Variants in BCL9L observed in about 807,000 individuals in gnomAD.
BCL9L encodes B-cell CLL/lymphoma 9-like protein.
BCL9L carries 19 observed loss-of-function variants against 99.4 expected under a neutral mutation model. The ratio of observed to expected loss-of-function variants is 0.19; its 90% CI spans 0.13 to 0.28. BCL9L has a LOEUF of 0.28. BCL9L is among the 10% of genes least tolerant of loss of function. The pLI, the probability that BCL9L is intolerant of heterozygous loss-of-function variation, is 1.00. For synonymous variants in BCL9L, 900 were observed against 854.8 expected (o/e 1.05, Z -0.92); for missense variants, 2,023 against 2,101.6 (o/e 0.96, Z 0.73).
rs1218627529 is a variant in BCL9L, at chr11:118,896,909, T to C, written c.*1506A>G. The C allele has an allele frequency of 6.6e-6, 1 of 152,636 alleles. No homozygotes were observed. Among genetic ancestry groups the C allele is most frequent in the Non-Finnish European group, 1.5e-5 (1 of 68,048 alleles). The allele number at this position is 152,636 out of a possible 1,614,324, so 9.5% of individuals were successfully genotyped here. A position where few individuals can be genotyped will look rare whatever the true frequency, so the allele number is the denominator to read the frequency against. On this transcript the variant is annotated 3_prime_UTR_variant, in exon 10 of 10. Coordinates refer to ENST00000683865, the MANE Select transcript of BCL9L (RefSeq NM_001378213.1). ...AGTTTTTTTACTCCTGGGGCCAAAGTAGGGGGACAAACACCCAGTCGTATA... is the reference window on the plus strand; with the variant it reads ...AGTTTTTTTACTCCTGGGGCCAAAGCAGGGGGACAAACACCCAGTCGTATA...
In BCL9L at chr11:118,907,479, T is replaced by C; in HGVS notation, c.532+4A>G. 1 of 1,614,164 alleles carries C rather than the reference T, an allele frequency of 6.2e-7. No homozygotes were observed. Among genetic ancestry groups the C allele is most frequent in the East Asian group, 2.2e-5 (1 of 44,880 alleles). On this transcript the variant is annotated splice_donor_region_variant and intron_variant, in intron 5 of 9. Coordinates refer to ENST00000683865, the MANE Select transcript of BCL9L (RefSeq NM_001378213.1). ...ACAGCACCCTGGCATCGACAGGCACTCACTGTGGGTGGCCCCAATGGGCTT... is the reference window on the plus strand; with the variant it reads ...ACAGCACCCTGGCATCGACAGGCACCCACTGTGGGTGGCCCCAATGGGCTT...
rs1332947369 is a variant in BCL9L at position 118,925,510 on chromosome 11, C to CCGGGGCCGGGGCG, written c.-416_-404dup. On this transcript the variant is annotated 5_prime_UTR_variant, in exon 1 of 10. Transcript: ENST00000683865. This position sits in a 1 kb window ranked among gnomAD's most constrained non-coding sequence, Gnocchi z 6.4. ...AGTGGCGGGAGAGCGCGCACACCCG[C>CCGGGGCCGGGGCG]CGGGGCCGGGGCGCGGGGCCGGGGT... 1.3e-5 allele frequency: 2 copies of CCGGGGCCGGGGCG among 152,186 alleles called. No homozygotes were observed. The highest frequency in any genetic ancestry group is 6.5e-5 in the Admixed American group (1 of 15,282). 9.4% of individuals were successfully genotyped at this position (152,186 alleles called of 1,614,324 possible).
chr11:118,910,166 G>T, intron 2 of BCL9L, 151 bp from the exon 3 acceptor site: 1 of 598,408 alleles, frequency 1.7e-6, no homozygotes, highest in East Asian at 2.9e-5. Flanking sequence ...ATGGGGTCTC[G>T]ATCCTGGAGG....
chr11:118,917,663 T>G (rs1941004898), intron 2 of BCL9L, among the ~76,000 whole-genome samples: 1 of 152,020 alleles, frequency 6.6e-6, no homozygotes. Context: ...TGCCCGGGGC[T>G]TGCCCAGGGA....
chr11:118,922,141 G>C lies in BCL9L; in HGVS notation c.-131+3097C>G, dbSNP rs1173864252. 1.3e-5 allele frequency among the ~76,000 whole-genome samples: 2 copies of C among 152,142 alleles called. No homozygotes were observed. Among genetic ancestry groups the C allele is most frequent in the Non-Finnish European group, 2.9e-5 (2 of 67,980 alleles). ...CAGCCTCCAGGGAAAGTCAGGCTGA[G>C]TTCTCCCAGGAGGGGAGGGAGGGGA... is the stretch of plus-strand genomic sequence containing the variant. On this transcript the variant is annotated intron_variant, in intron 1 of 9. Coordinates refer to ENST00000683865, the MANE Select transcript of BCL9L (RefSeq NM_001378213.1). The surrounding 1 kb of genome is among the most constrained non-coding windows in gnomAD (Gnocchi z 6.2).
At position 118,899,001 on chromosome 11, in the gene BCL9L, A is replaced by G. The variant is rs1329125389; in HGVS notation, c.3914T>C (p.Leu1305Pro). The G allele has an allele frequency of 1.2e-6, 2 of 1,613,706 alleles. No homozygotes were observed. The highest frequency in any genetic ancestry group is 1.7e-5 in the Admixed American group (1 of 59,984). ...PGVLPGVASV[L>P]NDPELSEVIR... Reference sequence around the variant, plus strand: ...CACCTCGCTCAGCTCGGGGTCGTTCAGCACTGATGCCACCCCAGGGAGCAC... The same window carrying G: ...CACCTCGCTCAGCTCGGGGTCGTTCGGCACTGATGCCACCCCAGGGAGCAC... Residue 1305 changes from leucine (L) to proline (P), a missense_variant, in exon 10 of 10, where the codon CTG becomes CCG. Leu to Pro is a moderately conservative substitution (Grantham distance 98, BLOSUM62 -3). Coordinates refer to ENST00000683865, the MANE Select transcript of BCL9L (RefSeq NM_001378213.1).
At chr11:118,915,264 G>C (rs897937653) in intron 2 of BCL9L, among the ~76,000 whole-genome samples, 2 of 152,166 alleles carry the variant, frequency 1.3e-5, no homozygotes, top group African/African-American at 2.4e-5. Flanking sequence ...TAATTTTATA[G>C]AGTGAGGTAA....
rs576783148 is a variant in BCL9L at position 118,913,976 on chromosome 11, C to T, written c.-76-3961G>A. Among the ~76,000 whole-genome samples, 491 of 152,264 alleles carry T rather than the reference C, an allele frequency of 3.2e-3. 2 individuals are homozygous for T. Among genetic ancestry groups the T allele is most frequent in the African/African-American group, 0.011 (457 of 41,542 alleles). On this transcript the variant is annotated intron_variant, in intron 2 of 9. Coordinates refer to ENST00000683865, the MANE Select transcript of BCL9L (RefSeq NM_001378213.1). ...GCAGTGGTGGCTGGAATTAGCCCCA[C>T]CGGCCCAAATATATCTGGTCTCTGC...
rs1484082124 is a variant in BCL9L at position 118,925,674 on chromosome 11, G to GA, written c.-568_-567insT. On this transcript the variant is annotated 5_prime_UTR_variant, in exon 1 of 10. Coordinates refer to ENST00000683865, the MANE Select transcript of BCL9L (RefSeq NM_001378213.1). The surrounding 1 kb of genome is among the most constrained non-coding windows in gnomAD (Gnocchi z 6.4). The stretch of plus-strand genomic sequence containing the variant: ...GGGAATGCCGGGCGCTGGGTGGGGA[G>GA]GGGCTGTCTGGGCGCTTATTGTTGG... The GA allele has an allele frequency of 0.021, 1 of 48 alleles. No homozygotes were observed. Among genetic ancestry groups the GA allele is most frequent in the Admixed American group, 0.17 (1 of 6 alleles). The allele number at this position is 48 out of a possible 1,614,324, so 0.0% of individuals were successfully genotyped here. A position where few individuals can be genotyped will look rare whatever the true frequency, so the allele number is the denominator to read the frequency against.
rs1468695035 is a variant in BCL9L, at chr11:118,903,045, G to A, written c.779C>T (p.Ala260Val). ...TAAEAVLQGR[A>V]DSILAYHQQN... is the part of the protein sequence containing the mutation. ...CTGGTGGTAGGCGAGGATGGAGTCG[G>A]CCCGGCCCTGCAGCACTGCCTCTGC... Residue 260 changes from alanine (A) to valine (V), a missense_variant, in exon 7 of 10, where the codon GCC (alanine) becomes GTC (valine). Ala to Val is a moderately conservative substitution (Grantham distance 64, BLOSUM62 0). Transcript: ENST00000683865. The surrounding 1 kb of genome is among the most constrained non-coding windows in gnomAD (Gnocchi z 5.6). 1 of 1,588,560 alleles carries A rather than the reference G, an allele frequency of 6.3e-7. No individual in the cohort carries two copies. The highest frequency in any genetic ancestry group is 8.5e-7 in the Non-Finnish European group (1 of 1,172,080).
At chr11:118,905,932 G>A (rs1233456286) in intron 5 of BCL9L, among the ~76,000 whole-genome samples, 1 of 152,190 alleles carries the variant, frequency 6.6e-6, no homozygotes, top group Non-Finnish European at 1.5e-5. Context: ...ATGTTTGCCA[G>A]GCACAGTGGC....
Position 118,901,976 on chromosome 11 carries a change from G to A in BCL9L, c.1767C>T (p.Pro589=). ...AGGGAGGTCCGCCCCGGAGCTGCAT[G>A]GGATCTTGAACATCCATGGGCCCCC... The part of the protein sequence containing the change: ...QLRGPMDVQD[P]MQLRGGPPFP... The change falls in exon 8 of 10, where the codon CCC becomes CCT. Residue 589 remains proline, a synonymous_variant. Transcript: ENST00000683865. The surrounding 1 kb of genome is among the most constrained non-coding windows in gnomAD (Gnocchi z 6.6). 1 of 1,613,094 alleles carries A rather than the reference G, an allele frequency of 6.2e-7. No homozygotes were observed. The highest frequency in any genetic ancestry group is 8.5e-7 in the Non-Finnish European group (1 of 1,179,800).
At position 118,922,671 on chromosome 11, in the gene BCL9L, G is replaced by T. The variant is rs938914419; in HGVS notation, c.-131+2567C>A. ...CTCCCACGGCTGCCCACTTTCCCAC[G>T]GTGCCATCCCCCTTCTGCCCCCTCC... On this transcript the variant is annotated intron_variant, in intron 1 of 9. Transcript: ENST00000683865. This position sits in a 1 kb window ranked among gnomAD's most constrained non-coding sequence, Gnocchi z 6.2. Among the ~76,000 whole-genome samples, 1 of 152,018 alleles carries T rather than the reference G, an allele frequency of 6.6e-6. No individual in the cohort carries two copies.
Position 118,922,262 on chromosome 11 carries a change from C to G in BCL9L, c.-131+2976G>C, listed in dbSNP as rs1012617737. Among the ~76,000 whole-genome samples the G allele has an allele frequency of 6.6e-6, 1 of 152,174 alleles. No homozygotes were observed. The highest frequency in any genetic ancestry group is 6.5e-5 in the Admixed American group (1 of 15,284). On this transcript the variant is annotated intron_variant, in intron 1 of 9. Transcript: ENST00000683865. This position sits in a 1 kb window ranked among gnomAD's most constrained non-coding sequence, Gnocchi z 6.2. The stretch of plus-strand genomic sequence containing the variant: ...AAGTCCAGGCAGCCTTCAGGGCCGC[C>G]GAGCCAAGTGACATGCACCAGCTCA...
chr11:118,897,999 G>A lies in BCL9L; in HGVS notation c.*416C>T. On this transcript the variant is annotated 3_prime_UTR_variant, in exon 10 of 10. Coordinates refer to ENST00000683865, the MANE Select transcript of BCL9L (RefSeq NM_001378213.1). Reference sequence around the variant, plus strand: ...AGGGAGGTGGAGCTCCAGCAATGCGGACACGAGGAGACAGGAGCAGAAGGG... The same window carrying A: ...AGGGAGGTGGAGCTCCAGCAATGCGAACACGAGGAGACAGGAGCAGAAGGG... 4.9e-6 allele frequency: 2 copies of A among 410,220 alleles called. No homozygotes were observed. Among genetic ancestry groups the A allele is most frequent in the Non-Finnish European group, 4.7e-6 (1 of 210,724 alleles). 25.4% of individuals were successfully genotyped at this position (410,220 alleles called of 1,614,324 possible). A position where few individuals can be genotyped will look rare whatever the true frequency, so the allele number is the denominator to read the frequency against.
rs1434942934 is a variant in BCL9L, at chr11:118,896,425, C to T, written c.*1990G>A. On this transcript the variant is annotated 3_prime_UTR_variant, in exon 10 of 10. Transcript: ENST00000683865. ...CGGCCCGCTGCAATCTGACCCCTCTCTCCTCAGGGCAGGAAACACAGAGTC... is the reference window on the plus strand; with the variant it reads ...CGGCCCGCTGCAATCTGACCCCTCTTTCCTCAGGGCAGGAAACACAGAGTC... The T allele has an allele frequency of 6.6e-6, 1 of 152,336 alleles. No homozygotes were observed. The highest frequency in any genetic ancestry group is 1.5e-5 in the Non-Finnish European group (1 of 68,068). 9.4% of individuals were successfully genotyped at this position (152,336 alleles called of 1,614,324 possible).
chr11:118,919,341 A>G (rs1214313362), intron 1 of BCL9L, among the ~76,000 whole-genome samples: 1 of 151,574 alleles, frequency 6.6e-6, no homozygotes, highest in African/African-American at 2.4e-5. Flanking sequence ...ATCCTATGTC[A>G]GGGAAAAGAA....
chr11:118,905,377 C>T (rs745597065), intron 5 of BCL9L, among the ~76,000 whole-genome samples: 1 of 150,498 alleles, frequency 6.6e-6, no homozygotes, highest in East Asian at 2.0e-4. Flanking sequence ...GGCGTGGTGA[C>T]GCATGCCTGT....
Position 118,901,719 on chromosome 11 carries a change from C to A in BCL9L, c.2024G>T (p.Arg675Leu). Reference sequence around the variant, plus strand: ...CAGCTGGTGCCGCAGCAGCTCCTCACGGACCCGGGGAGTCATGAATCGCTC... The same window carrying A: ...CAGCTGGTGCCGCAGCAGCTCCTCAAGGACCCGGGGAGTCATGAATCGCTC... ...EAERFMTPRV[R>L]EELLRHQLLE... The change falls in exon 8 of 10, where the codon CGT becomes CTT. Residue 675 changes from arginine to leucine, a missense_variant. Transcript: ENST00000683865. The surrounding 1 kb of genome is among the most constrained non-coding windows in gnomAD (Gnocchi z 6.6). 3.1e-6 allele frequency: 5 copies of A among 1,613,556 alleles called. No homozygotes were observed. The highest frequency in any genetic ancestry group is 4.2e-6 in the Non-Finnish European group (5 of 1,179,868).
Sources: allele counts gnomAD v4.1 joint callset (sites outside exome capture counted in the v4.1 genomes callset), GRCh38; gene constraint gnomAD v4.1.1; non-coding constraint Gnocchi (gnomAD v3.1); transcripts MANE v1.5; gene names NCBI Gene and HGNC (gene_info 2026-07-23, HGNC 2026-07-21).